The following AFAP1 variants were observed in gnomAD, a reference collection of about 807,000 sequenced individuals.
AFAP1 encodes the protein actin filament-associated protein 1.
Under a neutral mutation model 93.9 loss-of-function variants are expected in AFAP1, and 75 were observed. The ratio of observed to expected loss-of-function variants is 0.80; its 90% CI spans 0.66 to 0.97. The LOEUF is 0.97. Among genes scored for constraint, AFAP1 ranks in the 50% least tolerant of loss-of-function variants. AFAP1 has a pLI of 0.00. For synonymous variants in AFAP1, 517 were observed against 430.7 expected, an observed-to-expected ratio of 1.20 and a Z score of -2.48; for missense variants, 1,201 against 1,050.8, an observed-to-expected ratio of 1.14 and a Z score of -1.98.
At chr4:7,891,310 G>C (rs527385863) in intron 1 of AFAP1, among the ~76,000 whole-genome samples, 2 of 152,314 alleles carry the variant, frequency 1.3e-5, no homozygotes, top group East Asian at 3.9e-4. Flanking sequence ...AGTGAATTCA[G>C]GGTGGAGAAT....
rs1210487473 is a variant in AFAP1 at position 7,816,031 on chromosome 4, A to G, written c.891T>C (p.Asn297=). The change falls in exon 8 of 18, where the codon AAT becomes AAC. Residue 297 remains asparagine, a synonymous_variant. Transcript: ENST00000420658. ...AGCAGAACTCACCTTGCTCCTTTCCATTACATGTGGTAATTCCATTTTCCA... is the reference window on the plus strand; with the variant it reads ...AGCAGAACTCACCTTGCTCCTTTCCGTTACATGTGGTAATTCCATTTTCCA... ...GVVENGITTC[N]GKEQVKRKKS... is the part of the protein sequence containing the mutation. 6.2e-7 allele frequency: 1 copy of G among 1,612,052 alleles called. No homozygotes were observed.
At position 7,768,922 on chromosome 4, in the gene AFAP1, G is replaced by T. The variant is rs762378919; in HGVS notation, c.2340C>A (p.Asn780Lys). The T allele has an allele frequency of 1.2e-6, 2 of 1,613,714 alleles. No homozygotes were observed. Among genetic ancestry groups the T allele is most frequent in the Admixed American group, 3.3e-5 (2 of 59,998 alleles). Residue 780 changes from asparagine to lysine, a missense_variant, in exon 17 of 18, where the codon AAC becomes AAA. By Grantham distance (94) the Asn-to-Lys change is moderately conservative (BLOSUM62 0). Coordinates refer to ENST00000420658, the MANE Select transcript of AFAP1 (RefSeq NM_001134647.2). ...GGCTCTTCTTCAAGACGGCCGCGCT[G>T]TTCACCGGCACGGGGCCCTCGGTGT... ...TSDTEGPVPV[N>K]SAAVLKKSQA...
In AFAP1 at chr4:7,786,305, CATGAAACTGA is replaced by C. The variant is rs766053970; in HGVS notation, c.1413-4_1418del. On this transcript the variant is annotated splice_acceptor_variant and splice_polypyrimidine_tract_variant and coding_sequence_variant and intron_variant, in exon 12 of 18. Coordinates refer to ENST00000420658, the MANE Select transcript of AFAP1 (RefSeq NM_001134647.2). LOFTEE classifies it high-confidence loss of function. ...GGTTAGCAGATATAACACGCCTGTT[CATGAAACTGA>C]AAGAAAGGAAATGCGTTAAAATCCA... is the stretch of plus-strand genomic sequence containing the variant. 1.2e-6 allele frequency: 2 copies of C among 1,613,070 alleles called. No individual in the cohort carries two copies. The highest frequency in any genetic ancestry group is 8.5e-7 in the Non-Finnish European group (1 of 1,179,104).
At chr4:7,767,222 C>G (rs753067119) in intron 17 of AFAP1, among the ~76,000 whole-genome samples, 19 of 152,186 alleles carry the variant, frequency 1.2e-4, no homozygotes, top group Admixed American at 1.3e-4. Context: ...ATCTGGACAG[C>G]TGGCTGTGCA....
intron 1 of AFAP1, among the ~76,000 whole-genome samples, chr4:7,917,650 C>T (rs1200833507): frequency 6.6e-6 from 1 of 152,154 alleles, no homozygotes; most frequent in Non-Finnish European, 1.5e-5. Context: ...GAACCACGTA[C>T]CTCTCACTAC....
chr4:7,815,801 G>A (rs1436460062), intron 8 of AFAP1, among the ~76,000 whole-genome samples: 1 of 152,134 alleles, frequency 6.6e-6, no homozygotes, highest in African/African-American at 2.4e-5. Flanking sequence ...CCTCGGCCAA[G>A]GTCTGGCAGG....
intron 9 of AFAP1, among the ~76,000 whole-genome samples, chr4:7,802,040 G>A (rs933628020): frequency 1.2e-5 from 1 of 83,346 alleles, no homozygotes; most frequent in Non-Finnish European, 2.2e-5. Flanking sequence ...ATTGATAAAT[G>A]CTATAAAGAC....
At chr4:7,931,048 CCTCA>C (rs1450081590) in intron 1 of AFAP1, among the ~76,000 whole-genome samples, 9 of 152,272 alleles carry the variant, frequency 5.9e-5, no homozygotes, top group Middle Eastern at 3.4e-3. Context: ...CCGTGCCTGG[CCTCA>C]CTATCACAAT....
chr4:7,827,568 C>CAAAAAAAAAAAAAAAAA (rs1560183870), intron 6 of AFAP1, among the ~76,000 whole-genome samples: 1 of 13,392 alleles, frequency 7.5e-5, no homozygotes, highest in Non-Finnish European at 1.2e-4. Context: ...AACTCTGTCT[C>CAAAAAAAAAAAAAAAAA]CAAAAAAAAA....
intron 1 of AFAP1, among the ~76,000 whole-genome samples, chr4:7,936,044 TG>T (rs1213750168): frequency 6.6e-6 from 1 of 152,168 alleles, no homozygotes; most frequent in East Asian, 1.9e-4. Context: ...ACAAAGTACA[TG>T]GAGCATATAA....
At chr4:7,833,342 C>A (rs1711854313) in intron 6 of AFAP1, among the ~76,000 whole-genome samples, 1 of 152,084 alleles carries the variant, frequency 6.6e-6, no homozygotes, top group Admixed American at 6.5e-5. Context: ...GGGCTAAGGA[C>A]ATGAACAGAC....
At chr4:7,898,921 A>G (rs1718955243) in intron 1 of AFAP1, among the ~76,000 whole-genome samples, 1 of 150,880 alleles carries the variant, frequency 6.6e-6, no homozygotes, top group East Asian at 1.9e-4. Context: ...ATGTGTGTAT[A>G]TATAAAAACA....
At chr4:7,766,600 G>A (rs1254866178) in intron 17 of AFAP1, among the ~76,000 whole-genome samples, 3 of 125,318 alleles carry the variant, frequency 2.4e-5, no homozygotes, top group Non-Finnish European at 5.3e-5. Flanking sequence ...TGTCACGGGA[G>A]GGAAACAGAA....
chr4:7,885,258 G>C (rs1230029290), intron 1 of AFAP1, among the ~76,000 whole-genome samples: 1 of 152,050 alleles, frequency 6.6e-6, no homozygotes, highest in Non-Finnish European at 1.5e-5. Context: ...CACACTTCAG[G>C]CCTTCTCAAT....
rs1437957454 is a variant in AFAP1 at position 7,939,189 on chromosome 4, C to G, written c.-3+467G>C. The G allele has an allele frequency of 9.3e-6, 2 of 215,584 alleles. No individual in the cohort carries two copies. The highest frequency in any genetic ancestry group is 1.9e-5 in the Non-Finnish European group (2 of 103,038). 13.4% of individuals were successfully genotyped at this position (215,584 alleles called of 1,614,324 possible). On this transcript the variant is annotated intron_variant, in intron 1 of 17. Transcript: ENST00000420658. The surrounding 1 kb of genome is among the most constrained non-coding windows in gnomAD (Gnocchi z 5.6). ...TCATGCGGGGCCAAGAAAGAGCCCC[C>G]ATCCAGAGTCACGGACCCCCTCGTC...
intron 11 of AFAP1, 105 bp from the exon 12 acceptor site, chr4:7,786,416 G>A (rs1717269742): frequency 1.1e-6 from 1 of 898,098 alleles, no homozygotes; most frequent in Non-Finnish European, 1.8e-6. Flanking sequence ...TATGTCAGAG[G>A]TCACAGGGGC....
At position 7,760,218 on chromosome 4, in the gene AFAP1, G is replaced by T. The variant is rs748199292; in HGVS notation, c.*3547C>A. On this transcript the variant is annotated 3_prime_UTR_variant, in exon 18 of 18. Coordinates refer to ENST00000420658, the MANE Select transcript of AFAP1 (RefSeq NM_001134647.2). ...CTTTTTGAAACAGACTTTTCAAAAG[G>T]AGTAAATCTCCACATTTTAGGGTAG... is the stretch of plus-strand genomic sequence containing the variant. 18 of 152,248 alleles carry T rather than the reference G, an allele frequency of 1.2e-4. No individual in the cohort carries two copies. The highest frequency in any genetic ancestry group is 2.5e-4 in the Non-Finnish European group (17 of 68,040). The allele number at this position is 152,248 out of a possible 1,614,324, so 9.4% of individuals were successfully genotyped here. A position where few individuals can be genotyped will look rare whatever the true frequency, so the allele number is the denominator to read the frequency against.
In AFAP1 at chr4:7,931,659, G is replaced by A. The variant is rs890247207; in HGVS notation, c.-3+7997C>T. On this transcript the variant is annotated intron_variant, in intron 1 of 17. Coordinates refer to ENST00000420658, the MANE Select transcript of AFAP1 (RefSeq NM_001134647.2). ...CAGCCTCCCTAAGTGCTGGGATTAC[G>A]GGTGTGAGCCACCACACCAGGACCA... 3.3e-5 allele frequency among the ~76,000 whole-genome samples: 5 copies of A among 151,368 alleles called. No homozygotes were observed. In the East Asian group the frequency reaches 5.8e-4, roughly 18 times the overall value.
chr4:7,811,030 C>T (rs2149053559), intron 8 of AFAP1, among the ~76,000 whole-genome samples: 1 of 152,318 alleles, frequency 6.6e-6, no homozygotes, highest in South Asian at 2.1e-4. Context: ...ATCCTTTGGG[C>T]CAGAGAGCGA....
Sources: gnomAD v4.1 joint callset for allele counts (sites outside exome capture counted in the v4.1 genomes callset) on GRCh38, gnomAD v4.1.1 for gene constraint, Gnocchi (gnomAD v3.1) non-coding constraint, MANE v1.5 for transcripts, NCBI Gene and HGNC (gene_info 2026-07-23, HGNC 2026-07-21) for gene names.